The following CIRSR variants were observed in gnomAD, a reference collection of about 807,000 sequenced individuals.
The protein encoded by CIRSR is corepressor of RBPJ and splicing regulator, also known as CBF1 (RBPJ) interacting corepressor 1.
chr2:174,349,777 A>G, the CIRSR span, among the ~76,000 whole-genome samples: 7 of 152,220 alleles, frequency 4.6e-5, no homozygotes, highest in African/African-American at 1.7e-4. Flanking sequence ...ATAGCACTCT[A>G]AAGGGTCATC....
the CIRSR span, chr2:174,395,590 C>T: frequency 6.2e-7 from 1 of 1,614,214 alleles, no homozygotes; most frequent in Admixed American, 1.7e-5. Flanking sequence ...GAAAGTCTTT[C>T]TTGCACATGA....
At chr2:174,395,438 A>G in the CIRSR span, 1 of 1,045,446 alleles carries the variant, frequency 9.6e-7, no homozygotes, top group African/African-American at 1.6e-5. Flanking sequence ...CTTTAGGCCT[A>G]GAGAAGCGGA....
At chr2:174,392,635 G>A in the CIRSR span, among the ~76,000 whole-genome samples, 1 of 152,172 alleles carries the variant, frequency 6.6e-6, no homozygotes, top group African/African-American at 2.4e-5. Context: ...AAGACCAATA[G>A]CATTCAGTGA....
At chr2:174,354,813 G>T in the CIRSR span, among the ~76,000 whole-genome samples, 1 of 131,204 alleles carries the variant, frequency 7.6e-6, no homozygotes. Context: ...TGTTGCCCAG[G>T]CTGGTCTTGA....
the CIRSR span, among the ~76,000 whole-genome samples, chr2:174,368,411 CAG>C: frequency 2.0e-5 from 3 of 152,126 alleles, no homozygotes; most frequent in Non-Finnish European, 4.4e-5. Flanking sequence ...AAATCAGTAA[CAG>C]AAAGATAGCT....
chr2:174,380,137 A>G, the CIRSR span: 2 of 1,148,230 alleles, frequency 1.7e-6, no homozygotes, highest in Non-Finnish European at 2.5e-6. Flanking sequence ...CCTTTTAGAC[A>G]ACAATATAAA....
At chr2:174,351,470 G>A in the CIRSR span, 1 of 521,486 alleles carries the variant, frequency 1.9e-6, no homozygotes, top group Non-Finnish European at 3.3e-6. Context: ...AAATAATAAA[G>A]CAAAATCAAA....
chr2:174,367,056 A>G, the CIRSR span, among the ~76,000 whole-genome samples: 83 of 152,374 alleles, frequency 5.4e-4, no homozygotes, highest in Admixed American at 9.8e-4. Flanking sequence ...GAAACAAAAA[A>G]TTAGGGTAAT....
chr2:174,385,628 AAAAAC>A, the CIRSR span, among the ~76,000 whole-genome samples: 1 of 152,342 alleles, frequency 6.6e-6, no homozygotes, highest in East Asian at 1.9e-4. Flanking sequence ...GCAGCATTAA[AAAAAC>A]AAAACAAAAC....
the CIRSR span, among the ~76,000 whole-genome samples, chr2:174,392,716 A>G: frequency 6.6e-6 from 1 of 152,200 alleles, no homozygotes; most frequent in South Asian, 2.1e-4. Context: ...AGGATGAGGG[A>G]CTGTTTTACT....
the CIRSR span, chr2:174,348,945 T>G: frequency 1.2e-6 from 2 of 1,606,662 alleles, no homozygotes; most frequent in Non-Finnish European, 1.7e-6. Context: ...ACTGTTGTTA[T>G]GCCCTGAACA....
the CIRSR span, chr2:174,378,878 T>C: frequency 3.7e-6 from 5 of 1,354,200 alleles, no homozygotes; most frequent in Non-Finnish European, 4.2e-6. Context: ...TGTTTTATCT[T>C]TCCTTGTTTG....
the CIRSR span, among the ~76,000 whole-genome samples, chr2:174,393,935 A>C: frequency 6.6e-6 from 1 of 152,192 alleles, no homozygotes; most frequent in Non-Finnish European, 1.5e-5. Context: ...CTCTCCCCAT[A>C]AAGTGTTAAC....
the CIRSR span, among the ~76,000 whole-genome samples, chr2:174,373,630 T>C: frequency 2.0e-5 from 3 of 152,340 alleles, no homozygotes; most frequent in East Asian, 5.8e-4. Context: ...ATTAGAATCA[T>C]AGCATAGATT....
the CIRSR span, among the ~76,000 whole-genome samples, chr2:174,362,686 C>CAAAAAAAAA: frequency 3.9e-4 from 8 of 20,652 alleles, no homozygotes; most frequent in Admixed American, 8.1e-4. Flanking sequence ...GACTCTGCCT[C>CAAAAAAAAA]AAAAAAAAAA....
chr2:174,377,696 C>T, the CIRSR span, among the ~76,000 whole-genome samples: 2 of 151,442 alleles, frequency 1.3e-5, no homozygotes, highest in African/African-American at 4.9e-5. Context: ...GTGTGTGTGT[C>T]GGTAGTCTCA....
the CIRSR span, among the ~76,000 whole-genome samples, chr2:174,376,336 A>G: frequency 6.6e-6 from 1 of 152,232 alleles, no homozygotes; most frequent in Non-Finnish European, 1.5e-5. Context: ...TTAAAACTTG[A>G]TAGGAACCAA....
the CIRSR span, chr2:174,380,263 G>T: frequency 6.4e-7 from 1 of 1,563,692 alleles, no homozygotes; most frequent in Non-Finnish European, 8.7e-7. Flanking sequence ...ATTAAATAGA[G>T]GAAATGTACA....
chr2:174,384,740 AT>A, the CIRSR span, among the ~76,000 whole-genome samples: 708 of 152,132 alleles, frequency 4.7e-3, 4 homozygotes, highest in African/African-American at 0.015. Context: ...TTGAAAAAAA[AT>A]AATAATAAAA....
Sources: gnomAD v4.1 joint callset for allele counts (sites outside exome capture counted in the v4.1 genomes callset) on GRCh38, gnomAD v4.1.1 for gene constraint, MANE v1.5 for transcripts, NCBI Gene and HGNC (gene_info 2026-07-23, HGNC 2026-07-21) for gene names.